Variants in TOX observed in about 807,000 individuals in gnomAD.
TOX encodes the protein thymocyte selection associated high mobility group box.
TOX carries 11 observed loss-of-function variants against 53.7 expected under a neutral mutation model. The ratio of observed to expected loss-of-function variants is 0.20; its 90% CI spans 0.13 to 0.34. The LOEUF (loss-of-function observed/expected upper bound fraction) is 0.34, where lower values mean the gene tolerates loss of function less well. TOX is among the 10% of genes least tolerant of loss of function. TOX has a pLI of 1.00. For missense variants in TOX, 570 were observed against 664.6 expected, an observed-to-expected ratio of 0.86 and a Z score of 1.56; for synonymous variants, 225 against 245.3, an observed-to-expected ratio of 0.92 and a Z score of 0.77.
At chr8:58,884,874 T>C (rs1315400846) in intron 3 of TOX, among the ~76,000 whole-genome samples, 9 of 152,214 alleles carry the variant, frequency 5.9e-5, no homozygotes, top group Admixed American at 5.9e-4. Context: ...TAATATGCAC[T>C]GTAAATACAT....
chr8:58,994,672 A>G (rs6471765), intron 1 of TOX, among the ~76,000 whole-genome samples: 151,096 of 152,298 alleles, frequency 0.99, 74,952 homozygotes, highest in Middle Eastern at 1. Context: ...CAAACAGAAC[A>G]TCTAAAATAT....
At chr8:58,817,729 A>G (rs770516782) in intron 6 of TOX, among the ~76,000 whole-genome samples, 53 of 152,310 alleles carry the variant, frequency 3.5e-4, no homozygotes, top group Non-Finnish European at 5.3e-4. Context: ...GAAAGAAATC[A>G]TATTTATAAA....
intron 3 of TOX, among the ~76,000 whole-genome samples, chr8:58,852,339 C>CA (rs777836796): frequency 1.1e-4 from 16 of 152,118 alleles, no homozygotes; most frequent in Non-Finnish European, 2.2e-4. Flanking sequence ...TATTACTAGC[C>CA]AAAATGATCT....
At chr8:58,893,277 T>G (rs1171983593) in intron 3 of TOX, among the ~76,000 whole-genome samples, 10 of 152,162 alleles carry the variant, frequency 6.6e-5, no homozygotes. Flanking sequence ...CTCAACAACT[T>G]TATTCATATC....
At chr8:58,965,166 CAA>C (rs1251521884) in intron 1 of TOX, among the ~76,000 whole-genome samples, 1 of 152,036 alleles carries the variant, frequency 6.6e-6, no homozygotes, top group Admixed American at 6.5e-5. Flanking sequence ...AAACCTGAAG[CAA>C]AGTTTGAAAG....
intron 7 of TOX, 31 bp from the exon 8 acceptor site, chr8:58,808,300 A>T: frequency 6.3e-7 from 1 of 1,582,508 alleles, no homozygotes; most frequent in South Asian, 1.2e-5. Flanking sequence ...GCAAATAAGG[A>T]TCAAAATGCA....
chr8:59,025,555 A>G (rs905935777), intron 1 of TOX, among the ~76,000 whole-genome samples: 96 of 152,092 alleles, frequency 6.3e-4, no homozygotes, highest in Non-Finnish European at 1.4e-3. Flanking sequence ...CTCTATAGCC[A>G]TTCTAACCTG....
intron 3 of TOX, among the ~76,000 whole-genome samples, chr8:58,893,827 TA>T (rs1260071882): frequency 6.6e-6 from 1 of 152,176 alleles, no homozygotes; most frequent in Non-Finnish European, 1.5e-5. Flanking sequence ...ACGTGAAAGC[TA>T]AAAAGAAGAT....
intron 1 of TOX, among the ~76,000 whole-genome samples, chr8:59,037,140 A>G (rs1275478755): frequency 6.7e-6 from 1 of 148,656 alleles, no homozygotes; most frequent in African/African-American, 2.5e-5. Flanking sequence ...AAACCCAACT[A>G]TCAGAAGCTC....
chr8:59,051,445 A>G (rs1242649344), intron 1 of TOX, among the ~76,000 whole-genome samples: 5 of 152,096 alleles, frequency 3.3e-5, no homozygotes, highest in Non-Finnish European at 7.4e-5. Flanking sequence ...CAAAATTTTC[A>G]TTTTAGTTTA....
At chr8:59,093,179 T>C (rs1381734002) in intron 1 of TOX, among the ~76,000 whole-genome samples, 1 of 151,946 alleles carries the variant, frequency 6.6e-6, no homozygotes, top group African/African-American at 2.4e-5. Context: ...CTTCCTATAG[T>C]AGGCTCTGAG....
chr8:58,908,245 C>G (rs150991969), intron 3 of TOX, among the ~76,000 whole-genome samples: 15 of 152,274 alleles, frequency 9.9e-5, no homozygotes, highest in African/African-American at 3.4e-4. Context: ...ACAGTAATAG[C>G]ACAGATGGGG....
intron 3 of TOX, among the ~76,000 whole-genome samples, chr8:58,858,210 T>G (rs1810947645): frequency 6.6e-6 from 1 of 152,212 alleles, no homozygotes; most frequent in South Asian, 2.1e-4. Flanking sequence ...GTCATGTTAG[T>G]GATGAAATAG....
At chr8:59,050,860 A>G (rs1803776755) in intron 1 of TOX, among the ~76,000 whole-genome samples, 2 of 152,192 alleles carry the variant, frequency 1.3e-5, no homozygotes. Flanking sequence ...TATTTCACCA[A>G]TATAGAAATC....
intron 1 of TOX, among the ~76,000 whole-genome samples, chr8:59,081,205 T>C (rs1036257415): frequency 6.6e-6 from 1 of 152,018 alleles, no homozygotes; most frequent in African/African-American, 2.4e-5. Context: ...TTTTGTATTT[T>C]TAGTAGAAAC....
intron 1 of TOX, among the ~76,000 whole-genome samples, chr8:58,997,327 C>A (rs1225870809): frequency 6.6e-6 from 1 of 152,182 alleles, no homozygotes; most frequent in Non-Finnish European, 1.5e-5. Flanking sequence ...GACTGGAGAC[C>A]AGTGGATGAA....
At chr8:58,960,798 G>T (rs1812785493) in intron 1 of TOX, among the ~76,000 whole-genome samples, 1 of 152,168 alleles carries the variant, frequency 6.6e-6, no homozygotes, top group African/African-American at 2.4e-5. Flanking sequence ...AGTATTTGGG[G>T]TTTTGCAAGT....
At chr8:58,835,040 TA>T (rs2129166622) in intron 5 of TOX, among the ~76,000 whole-genome samples, 1 of 152,292 alleles carries the variant, frequency 6.6e-6, no homozygotes, top group South Asian at 2.1e-4. Flanking sequence ...TTTTGTAAGA[TA>T]AAAAAATTTA....
intron 3 of TOX, among the ~76,000 whole-genome samples, chr8:58,934,375 A>G (rs1172911956): frequency 6.6e-6 from 1 of 152,224 alleles, no homozygotes; most frequent in Non-Finnish European, 1.5e-5. Context: ...TAAATTCCAG[A>G]AGGCAATATA....
Sources: allele counts gnomAD v4.1 joint callset (sites outside exome capture counted in the v4.1 genomes callset), GRCh38; gene constraint gnomAD v4.1.1; transcripts MANE v1.5; gene names NCBI Gene and HGNC (gene_info 2026-07-23, HGNC 2026-07-21).